The following WDR72 variants were observed in gnomAD, a reference collection of about 807,000 sequenced individuals.
WDR72 encodes WD repeat domain 72.
A neutral mutation model predicts 124.2 loss-of-function variants in WDR72; 120 were observed. That is an observed-to-expected ratio of 0.97 (90% CI 0.83 to 1.12). The LOEUF (loss-of-function observed/expected upper bound fraction) is 1.12, where lower values mean the gene tolerates loss of function less well. Ranked by LOEUF, WDR72 falls within the 50% of genes most tolerant of loss-of-function variation. The pLI, the probability that WDR72 is intolerant of heterozygous loss-of-function variation, is 0.00. For missense variants in WDR72, 1,387 were observed against 1,278.8 expected, an observed-to-expected ratio of 1.08 and a Z score of -1.29; for synonymous variants, 452 against 441.7, an observed-to-expected ratio of 1.02 and a Z score of -0.29.
chr15:53,678,032 T>C (rs2016238778), intron 13 of WDR72, among the ~76,000 whole-genome samples: 1 of 152,134 alleles, frequency 6.6e-6, no homozygotes, highest in African/African-American at 2.4e-5. Flanking sequence ...TGCTATGTGG[T>C]AGAGTTACAT....
intron 18 of WDR72, among the ~76,000 whole-genome samples, chr15:53,527,426 GAA>G (rs149835312): frequency 6.6e-6 from 1 of 151,898 alleles, no homozygotes; most frequent in East Asian, 1.9e-4. Context: ...GTGGCCACTG[GAA>G]AAAAGTCTCC....
chr15:53,717,759 A>G (rs758807581), intron 3 of WDR72, among the ~76,000 whole-genome samples: 1 of 152,274 alleles, frequency 6.6e-6, no homozygotes, highest in African/African-American at 2.4e-5. Flanking sequence ...CCTAAATGCC[A>G]TTAGTACTGA....
At chr15:53,760,572 A>G (rs2019043120), upstream of WDR72, among the ~76,000 whole-genome samples, 1 of 152,068 alleles carries the variant, frequency 6.6e-6, no homozygotes. Context: ...TTTCTTATCC[A>G]TTTATCGGTT....
chr15:53,618,436 C>T (rs962323913), intron 14 of WDR72, among the ~76,000 whole-genome samples: 3 of 151,926 alleles, frequency 2.0e-5, no homozygotes, highest in Non-Finnish European at 4.4e-5. Flanking sequence ...AAATTTATTA[C>T]TTTTATTGCC....
intron 2 of WDR72, among the ~76,000 whole-genome samples, chr15:53,726,798 C>G (rs532596021): frequency 6.6e-6 from 1 of 152,216 alleles, no homozygotes; most frequent in East Asian, 1.9e-4. Flanking sequence ...AAGCTGAGCT[C>G]ATGCCACTGC....
intron 18 of WDR72, among the ~76,000 whole-genome samples, chr15:53,537,021 C>CT (rs1468564599): frequency 2.0e-5 from 3 of 152,156 alleles, no homozygotes; most frequent in Non-Finnish European, 2.9e-5. Flanking sequence ...CCATCATCAC[C>CT]TTTTTTCTTA....
At position 53,710,886 on chromosome 15, in the gene WDR72, G is replaced by A. The variant is rs768563645; in HGVS notation, c.925C>T (p.Leu309=). The A allele has an allele frequency of 1.2e-6, 2 of 1,613,690 alleles. No individual in the cohort carries two copies. Among genetic ancestry groups the A allele is most frequent in the South Asian group, 1.1e-5 (1 of 91,078 alleles). Residue 309 remains leucine, a synonymous_variant, in exon 9 of 20, where the codon CTG becomes TTG. Coordinates refer to ENST00000360509, the MANE Select transcript of WDR72 (RefSeq NM_182758.4). ...TTTTCCTGCACAGAAGTAGAGCACA[G>A]TAAATGAGGATAAATGGTCTCTTTA... is the stretch of plus-strand genomic sequence containing the variant. ...VLKETIYPHL[L]CSTSVQENKE...
intron 14 of WDR72, among the ~76,000 whole-genome samples, chr15:53,626,118 T>A (rs763678672): frequency 6.6e-6 from 1 of 152,154 alleles, no homozygotes; most frequent in Non-Finnish European, 1.5e-5. Flanking sequence ...GCTCCCAAGA[T>A]GGTGGTGGGC....
intron 7 of WDR72, among the ~76,000 whole-genome samples, chr15:53,712,509 T>G (rs546428194): frequency 1.4e-4 from 21 of 146,182 alleles, no homozygotes; most frequent in Non-Finnish European, 2.9e-4. Context: ...GCAGGAGAAC[T>G]GCTTGAACCT....
At chr15:53,689,886 A>T (rs2016778835) in intron 13 of WDR72, among the ~76,000 whole-genome samples, 1 of 151,848 alleles carries the variant, frequency 6.6e-6, no homozygotes, top group South Asian at 2.1e-4. Context: ...CTATGCAGCC[A>T]TAAAAAATGA....
In WDR72 at chr15:53,705,089, A is replaced by C. The variant is rs781693996; in HGVS notation, c.1247T>G (p.Leu416Arg). ...VVTSSEYIPS[L>R]DKLICGCEDG... Reference sequence around the variant, plus strand: ...TTCACAGCCACATATTAGTTTATCAAGACTTGGAATATACTCTGATGAAGT... The same window carrying C: ...TTCACAGCCACATATTAGTTTATCACGACTTGGAATATACTCTGATGAAGT... Residue 416 changes from leucine (L) to arginine (R), a missense_variant, in exon 11 of 20, where the codon CTT becomes CGT. Transcript: ENST00000360509. The C allele has an allele frequency of 6.2e-7, 1 of 1,614,170 alleles. No individual in the cohort carries two copies. Among genetic ancestry groups the C allele is most frequent in the South Asian group, 1.1e-5 (1 of 91,086 alleles).
chr15:53,696,111 CT>C (rs1228878285), intron 13 of WDR72, among the ~76,000 whole-genome samples: 3 of 152,146 alleles, frequency 2.0e-5, no homozygotes, highest in Admixed American at 2.0e-4. Flanking sequence ...TCTGGAGTTG[CT>C]CTAGTGCTGA....
At chr15:53,569,322 T>C (rs931236367) in intron 18 of WDR72, among the ~76,000 whole-genome samples, 13 of 152,030 alleles carry the variant, frequency 8.6e-5, no homozygotes, top group African/African-American at 3.1e-4. Context: ...ATATTAGAGA[T>C]GACAAGGATT....
At chr15:53,632,727 G>A (rs1002139655) in intron 14 of WDR72, among the ~76,000 whole-genome samples, 1 of 152,246 alleles carries the variant, frequency 6.6e-6, no homozygotes, top group Non-Finnish European at 1.5e-5. Context: ...GTGTGCCCTG[G>A]ATGTGAGACA....
At chr15:53,695,912 T>A (rs763601249) in intron 13 of WDR72, among the ~76,000 whole-genome samples, 1 of 152,196 alleles carries the variant, frequency 6.6e-6, no homozygotes, top group Non-Finnish European at 1.5e-5. Flanking sequence ...CTTTCCTCTA[T>A]AATCGAGGAA....
upstream of WDR72, chr15:53,762,787 C>T (rs1259520502): frequency 6.6e-6 from 1 of 152,218 alleles, no homozygotes; most frequent in Non-Finnish European, 1.5e-5. Context: ...TGTCTCAGAT[C>T]AGGGCTGGCT....
chr15:53,572,920 G>C (rs372464371), intron 18 of WDR72, among the ~76,000 whole-genome samples: 21 of 152,190 alleles, frequency 1.4e-4, no homozygotes, highest in East Asian at 1.4e-3. Flanking sequence ...TTTTCCATAG[G>C]GATTGGGTTT....
At chr15:53,690,651 G>T (rs1319680774) in intron 13 of WDR72, among the ~76,000 whole-genome samples, 1 of 152,194 alleles carries the variant, frequency 6.6e-6, no homozygotes, top group African/African-American at 2.4e-5. Context: ...TTCATTGTAT[G>T]TGTATATTAT....
At chr15:53,548,126 T>G (rs928002630) in intron 18 of WDR72, among the ~76,000 whole-genome samples, 4 of 152,186 alleles carry the variant, frequency 2.6e-5, no homozygotes, top group Non-Finnish European at 5.9e-5. Context: ...CATAAAGTGG[T>G]CACCAACTCT....
Sources: gnomAD v4.1 joint callset for allele counts (sites outside exome capture counted in the v4.1 genomes callset) on GRCh38, gnomAD v4.1.1 for gene constraint, MANE v1.5 for transcripts, NCBI Gene and HGNC (gene_info 2026-07-23, HGNC 2026-07-21) for gene names.